Variants in ARHGEF28 observed in about 807,000 individuals in gnomAD.
ARHGEF28 encodes 190 kDa guanine nucleotide exchange factor.
ARHGEF28 carries 152 observed loss-of-function variants against 206.6 expected under a neutral mutation model. That is an observed-to-expected ratio of 0.74 (90% CI 0.64 to 0.84). The LOEUF (loss-of-function observed/expected upper bound fraction) is 0.84, where lower values mean the gene tolerates loss of function less well. Among genes scored for constraint, ARHGEF28 ranks in the 40% least tolerant of loss-of-function variants. The probability of loss-of-function intolerance (pLI) is 0.00; values close to 1 mark genes in which losing one functional copy is unlikely to be tolerated. For synonymous variants in ARHGEF28, 763 were observed against 776.4 expected (o/e 0.98, Z 0.29); for missense variants, 2,028 against 2,073.2 (o/e 0.98, Z 0.42).
intron 2 of ARHGEF28, among the ~76,000 whole-genome samples, chr5:73,748,332 CT>C (rs1221020812): frequency 4.1e-5 from 6 of 146,668 alleles, no homozygotes; most frequent in African/African-American, 1.5e-4. Flanking sequence ...CAATTCAAAA[CT>C]GCCAACCAGT....
intron 9 of ARHGEF28, among the ~76,000 whole-genome samples, chr5:73,822,918 C>T (rs949239268): frequency 1.3e-5 from 2 of 152,212 alleles, no homozygotes; most frequent in Non-Finnish European, 2.9e-5. Flanking sequence ...TGAGCCACTG[C>T]ACCCAGCTCA....
At chr5:73,880,936 C>CAAA (rs34087626) in intron 22 of ARHGEF28, among the ~76,000 whole-genome samples, 32 of 148,334 alleles carry the variant, frequency 2.2e-4, no homozygotes, top group East Asian at 4.0e-4. Flanking sequence ...CACCCTGCCT[C>CAAA]AAAAAAAAAA....
chr5:73,804,301 A>G (rs1055532483), intron 9 of ARHGEF28, among the ~76,000 whole-genome samples: 3 of 152,028 alleles, frequency 2.0e-5, no homozygotes, highest in African/African-American at 7.2e-5. Flanking sequence ...CCATGGAGAC[A>G]CTGTTTTTTT....
In ARHGEF28 at chr5:73,868,303, A is replaced by C. The variant is rs528847855; in HGVS notation, c.2425+76A>C. 8.5e-5 allele frequency: 122 copies of C among 1,443,394 alleles called. No homozygotes were observed. The African/African-American group carries it at 1.4e-3, about 17-fold the overall frequency. 89.4% of individuals were successfully genotyped at this position (1,443,394 alleles called of 1,614,324 possible). On this transcript the variant is annotated intron_variant, in intron 20 of 35. Coordinates refer to ENST00000513042, the MANE Select transcript of ARHGEF28 (RefSeq NM_001177693.2). Reference sequence around the variant, plus strand: ...AAAATGACACTGTCTGAAGGAAATAAGATTGAAGCATTTTTTTTTTCTTTT... The same window carrying C: ...AAAATGACACTGTCTGAAGGAAATACGATTGAAGCATTTTTTTTTTCTTTT...
intron 4 of ARHGEF28, among the ~76,000 whole-genome samples, chr5:73,756,496 G>A (rs13355583): frequency 0.29 from 44,801 of 152,044 alleles, 6,898 homozygotes; most frequent in African/African-American, 0.35. Flanking sequence ...TCAATGTCAA[G>A]CGACAGGGTT....
chr5:73,659,151 T>C (rs1413617755), intron 1 of ARHGEF28, among the ~76,000 whole-genome samples: 1 of 152,156 alleles, frequency 6.6e-6, no homozygotes, highest in Non-Finnish European at 1.5e-5. Flanking sequence ...GTAGGAAAGA[T>C]CAAGATTTTA....
intron 1 of ARHGEF28, among the ~76,000 whole-genome samples, chr5:73,635,301 G>A (rs529097781): frequency 4.6e-5 from 7 of 152,064 alleles, no homozygotes; most frequent in Non-Finnish European, 1.0e-4. Flanking sequence ...CCGAGATCGC[G>A]TCATTGCACT....
intron 22 of ARHGEF28, among the ~76,000 whole-genome samples, chr5:73,880,836 G>A (rs924657112): frequency 3.3e-5 from 5 of 152,102 alleles, no homozygotes; most frequent in African/African-American, 4.8e-5. Context: ...GTGGGCTGAG[G>A]TGGGCAGATC....
intron 2 of ARHGEF28, among the ~76,000 whole-genome samples, chr5:73,696,054 T>G (rs6888810): frequency 0.32 from 48,926 of 152,100 alleles, 9,692 homozygotes; most frequent in East Asian, 0.51. Flanking sequence ...CATCCTCTCC[T>G]GAACGCAGAT....
At chr5:73,711,197 T>G (rs1016576959) in intron 2 of ARHGEF28, among the ~76,000 whole-genome samples, 2 of 152,220 alleles carry the variant, frequency 1.3e-5, no homozygotes, top group African/African-American at 4.8e-5. Flanking sequence ...TTCCAGATTA[T>G]ATGCCATTTC....
chr5:73,670,050 G>A (rs1173299581), intron 1 of ARHGEF28, among the ~76,000 whole-genome samples: 3 of 152,114 alleles, frequency 2.0e-5, no homozygotes, highest in Non-Finnish European at 4.4e-5. Context: ...ATTTGTGTAA[G>A]TTCATGTATC....
intron 8 of ARHGEF28, among the ~76,000 whole-genome samples, chr5:73,794,680 C>T (rs1202558009): frequency 6.6e-6 from 1 of 150,642 alleles, no homozygotes; most frequent in Non-Finnish European, 1.5e-5. Flanking sequence ...GATCTTGGCT[C>T]ACTGCAACTT....
At chr5:73,709,534 C>G (rs748364630) in intron 2 of ARHGEF28, among the ~76,000 whole-genome samples, 1 of 152,194 alleles carries the variant, frequency 6.6e-6, no homozygotes, top group Non-Finnish European at 1.5e-5. Flanking sequence ...GGGCCCTGAG[C>G]TTCTAAAGCC....
At chr5:73,775,415 G>A (rs1252545202) in intron 5 of ARHGEF28, among the ~76,000 whole-genome samples, 1 of 152,174 alleles carries the variant, frequency 6.6e-6, no homozygotes, top group Non-Finnish European at 1.5e-5. Flanking sequence ...TCAGTGGCTT[G>A]TTATTGGCAT....
In ARHGEF28 at chr5:73,650,718, G is replaced by A. The variant is rs150566278; in HGVS notation, c.-12+24396G>A. Among the ~76,000 whole-genome samples, 1,445 of 150,158 alleles carry A rather than the reference G, an allele frequency of 9.6e-3. 26 individuals carry two copies. Among genetic ancestry groups the A allele is most frequent in the African/African-American group, 0.032 (1,314 of 40,814 alleles). On this transcript the variant is annotated intron_variant, in intron 1 of 35. Coordinates refer to ENST00000513042, the MANE Select transcript of ARHGEF28 (RefSeq NM_001177693.2). ...GGCTGGAGTACAGTGGTGCAATCTC[G>A]GCTCACTGCAACCTTTGCCTCCCGG...
At chr5:73,837,746 T>G (rs889286118) in intron 10 of ARHGEF28, among the ~76,000 whole-genome samples, 7 of 122,210 alleles carry the variant, frequency 5.7e-5, no homozygotes, top group Non-Finnish European at 1.2e-4. Context: ...TTTCGTTTTG[T>G]TTTTTTTTTT....
At chr5:73,795,565 T>C in intron 9 of ARHGEF28, 174 bp downstream of exon 9, 3 of 572,718 alleles carry the variant, frequency 5.2e-6, no homozygotes, top group Middle Eastern at 3.6e-4. Context: ...ACTATGACTC[T>C]AGAGGTTGAG....
intron 9 of ARHGEF28, among the ~76,000 whole-genome samples, chr5:73,816,732 C>A (rs1208138774): frequency 6.6e-6 from 1 of 152,192 alleles, no homozygotes; most frequent in Non-Finnish European, 1.5e-5. Flanking sequence ...GACTTAGAAG[C>A]AGTGCCTTTG....
intron 35 of ARHGEF28, among the ~76,000 whole-genome samples, chr5:73,929,762 G>A (rs887733359): frequency 1.3e-5 from 2 of 151,992 alleles, no homozygotes; most frequent in Non-Finnish European, 2.9e-5. Flanking sequence ...CCTACTTAGG[G>A]TTAGCAAATA....
Sources: gnomAD v4.1 joint callset for allele counts (sites outside exome capture counted in the v4.1 genomes callset) on GRCh38, gnomAD v4.1.1 for gene constraint, MANE v1.5 for transcripts, NCBI Gene and HGNC (gene_info 2026-07-23, HGNC 2026-07-21) for gene names.